COL13A1: variants seen among roughly 807,000 people sequenced by gnomAD.
The protein encoded by COL13A1 is collagen type XIII alpha 1 chain, also known as collagen alpha-1(XIII) chain.
Under a neutral mutation model 130.9 loss-of-function variants are expected in COL13A1, and 89 were observed. The ratio of observed to expected loss-of-function variants is 0.68; its 90% confidence interval spans 0.57 to 0.81. COL13A1 has a LOEUF of 0.81. Ranked by LOEUF, COL13A1 falls within the 30% of genes least tolerant of loss-of-function variation. The pLI, the probability that COL13A1 is intolerant of heterozygous loss-of-function variation, is 0.00. For synonymous variants in COL13A1, 402 were observed against 341.6 expected, an observed-to-expected ratio of 1.18 and a Z score of -1.95; for missense variants, 879 against 934.6, an observed-to-expected ratio of 0.94 and a Z score of 0.78.
chr10:69,863,242 A>T (rs1209469161), intron 2 of COL13A1, among the ~76,000 whole-genome samples: 1 of 152,188 alleles, frequency 6.6e-6, no homozygotes, highest in Non-Finnish European at 1.5e-5. Flanking sequence ...CCCAGTCGTG[A>T]AATCAAAATG....
At position 69,841,985 on chromosome 10, in the gene COL13A1, C is replaced by T. The variant is rs530590282; in HGVS notation, c.364+19547C>T. Among the ~76,000 whole-genome samples, 8 of 152,268 alleles carry T rather than the reference C, an allele frequency of 5.3e-5. No homozygotes were observed. In the South Asian group the frequency reaches 1.7e-3, roughly 32 times the overall value. ...TTATCCTAAGAGCAGTGGGGAGCCA[C>T]CAAAAAGTATTGAGCAGGACCATGA... On this transcript the variant is annotated intron_variant, in intron 2 of 40. Coordinates refer to ENST00000645393, the MANE Select transcript of COL13A1 (RefSeq NM_001368882.1).
At position 69,944,389 on chromosome 10, in the gene COL13A1, C is replaced by T. The variant is rs72805192; in HGVS notation, c.1968+211C>T. Among the ~76,000 whole-genome samples, 17,550 of 152,252 alleles carry T rather than the reference C, an allele frequency of 0.12. 1,136 individuals carry two copies. Among genetic ancestry groups the T allele is most frequent in the Middle Eastern group, 0.3 (88 of 294 alleles). ...GAGATGGAGAGGCCGGGCACGTTGG[C>T]TCATACCTGTAATCCCAACACTCTG... On this transcript the variant is annotated intron_variant, in intron 36 of 40. Coordinates refer to ENST00000645393, the MANE Select transcript of COL13A1 (RefSeq NM_001368882.1).
At chr10:69,830,201 T>C (rs111487506) in intron 2 of COL13A1, among the ~76,000 whole-genome samples, 2 of 152,268 alleles carry the variant, frequency 1.3e-5, no homozygotes, top group African/African-American at 4.8e-5. Flanking sequence ...AAGAATCGTG[T>C]CCAATAAAGC....
At chr10:69,831,300 G>A (rs1848765161) in intron 2 of COL13A1, among the ~76,000 whole-genome samples, 1 of 152,180 alleles carries the variant, frequency 6.6e-6, no homozygotes, top group Non-Finnish European at 1.5e-5. Flanking sequence ...AGGGGGTCAA[G>A]CCCTGCTCAG....
chr10:69,933,575 G>C (rs1277677742), intron 31 of COL13A1, among the ~76,000 whole-genome samples: 2 of 152,136 alleles, frequency 1.3e-5, no homozygotes, highest in Non-Finnish European at 2.9e-5. Flanking sequence ...AGCCTTCTCA[G>C]TCCCCATCAG....
In COL13A1 at chr10:69,938,367, G is replaced by A. The variant is rs539185153; in HGVS notation, c.1878+652G>A. On this transcript the variant is annotated intron_variant, in intron 34 of 40. Coordinates refer to ENST00000645393, the MANE Select transcript of COL13A1 (RefSeq NM_001368882.1). Reference sequence around the variant, plus strand: ...CTGCCTCACCTGTGTACAGGTGAGCGCATCCCACCACCCTCCCTGGAGCCC... The same window carrying A: ...CTGCCTCACCTGTGTACAGGTGAGCACATCCCACCACCCTCCCTGGAGCCC... Among the ~76,000 whole-genome samples the A allele has an allele frequency of 1.9e-3, 294 of 152,178 alleles. 1 individual carries two copies. Among genetic ancestry groups the A allele is most frequent in the African/African-American group, 6.4e-3 (265 of 41,528 alleles).
chr10:69,909,635 G>A (rs1335615339), intron 17 of COL13A1, among the ~76,000 whole-genome samples: 3 of 152,182 alleles, frequency 2.0e-5, no homozygotes, highest in African/African-American at 7.2e-5. Context: ...CCAGCAGCAG[G>A]CAGCCTGCCA....
intron 2 of COL13A1, among the ~76,000 whole-genome samples, chr10:69,824,302 A>G (rs114370422): frequency 5.1e-4 from 78 of 152,340 alleles, no homozygotes; most frequent in African/African-American, 1.8e-3. Context: ...TCCTTATCAA[A>G]TGCCATGTCC....
intron 17 of COL13A1, among the ~76,000 whole-genome samples, chr10:69,916,606 G>A (rs2063948544): frequency 6.6e-6 from 1 of 152,210 alleles, no homozygotes; most frequent in South Asian, 2.1e-4. Flanking sequence ...AAGTAAAGAT[G>A]TTGAACATAA....
chr10:69,945,745 G>C, intron 37 of COL13A1, 21 bp downstream of exon 37: 1 of 1,605,482 alleles, frequency 6.2e-7, no homozygotes, highest in Non-Finnish European at 8.5e-7. Context: ...TGGGATCAGA[G>C]GTTCCTCTCC....
Position 69,850,466 on chromosome 10 carries a change from G to A in COL13A1, c.365-17332G>A, listed in dbSNP as rs547854647. Reference sequence around the variant, plus strand: ...AACTGCCTGGCATGGGGTGACACTCGAGAAAGAGGGTTTCTTACCCCATGG... The same window carrying A: ...AACTGCCTGGCATGGGGTGACACTCAAGAAAGAGGGTTTCTTACCCCATGG... On this transcript the variant is annotated intron_variant, in intron 2 of 40. Coordinates refer to ENST00000645393, the MANE Select transcript of COL13A1 (RefSeq NM_001368882.1). Among the ~76,000 whole-genome samples the A allele has an allele frequency of 2.7e-5, 4 of 149,682 alleles. No individual in the cohort carries two copies. The South Asian group carries it at 6.5e-4, about 24-fold the overall frequency.
intron 2 of COL13A1, among the ~76,000 whole-genome samples, chr10:69,833,946 C>T (rs1435196367): frequency 2.6e-5 from 4 of 152,070 alleles, no homozygotes; most frequent in East Asian, 1.9e-4. Context: ...CAGGAAACCA[C>T]GGAAGGTTTC....
At chr10:69,880,639 C>T (rs1023764734) in intron 7 of COL13A1, 86 bp downstream of exon 7, 5 of 1,430,722 alleles carry the variant, frequency 3.5e-6, no homozygotes, top group Admixed American at 3.6e-5. Flanking sequence ...GAGGGGACAG[C>T]GAGGGCGGCT....
intron 1 of COL13A1, among the ~76,000 whole-genome samples, chr10:69,809,880 T>A (rs1842501702): frequency 2.0e-5 from 3 of 152,228 alleles, no homozygotes; most frequent in African/African-American, 7.2e-5. Context: ...CCAGGGTGGA[T>A]GGGTTTGTTC....
chr10:69,858,858 TGATTCCAAAGGC>T (rs1468860616), intron 2 of COL13A1, among the ~76,000 whole-genome samples: 1 of 152,264 alleles, frequency 6.6e-6, no homozygotes, highest in Non-Finnish European at 1.5e-5. Context: ...AGGGTGTAGC[TGATTCCAAAGGC>T]TCTGCCAATT....
intron 1 of COL13A1, among the ~76,000 whole-genome samples, chr10:69,804,003 A>C (rs1046823783): frequency 1.3e-5 from 2 of 152,008 alleles, no homozygotes; most frequent in African/African-American, 4.8e-5. Flanking sequence ...GAGCAGAGAG[A>C]GCGGTCACAG....
intron 30 of COL13A1, chr10:69,931,344 G>T: frequency 2.5e-6 from 1 of 396,554 alleles, no homozygotes; most frequent in Non-Finnish European, 5.2e-6. Context: ...GTGGGTGCCT[G>T]ACACTGTGAC....
chr10:69,895,344 G>T (rs751034186), intron 12 of COL13A1, among the ~76,000 whole-genome samples: 2 of 152,184 alleles, frequency 1.3e-5, no homozygotes, highest in Non-Finnish European at 2.9e-5. Context: ...CTTCCAGGCA[G>T]GCCATGGAAG....
At position 69,902,602 on chromosome 10, in the gene COL13A1, C is replaced by T. The variant is rs76837163; in HGVS notation, c.751-146C>T. 4,020 of 595,194 alleles carry T rather than the reference C, an allele frequency of 6.8e-3. 133 individuals are homozygous for T. The African/African-American group carries it at 0.071, about 11-fold the overall frequency. 36.9% of individuals were successfully genotyped at this position (595,194 alleles called of 1,614,324 possible). ...CATCACCACTACCACAGCATCATCA[C>T]CATCATGCCACCGCTTCCTCCCCCC... On this transcript the variant is annotated intron_variant, in intron 14 of 40. Transcript: ENST00000645393.
Sources: allele counts gnomAD v4.1 joint callset (sites outside exome capture counted in the v4.1 genomes callset), GRCh38; gene constraint gnomAD v4.1.1; transcripts MANE v1.5; gene names NCBI Gene and HGNC (gene_info 2026-07-23, HGNC 2026-07-21).